Variants in TANC1 observed in about 807,000 individuals in gnomAD.
TANC1 encodes the protein protein TANC1.
A neutral mutation model predicts 149.7 loss-of-function variants in TANC1; 77 were observed. The ratio of observed to expected loss-of-function variants is 0.51; its 90% CI spans 0.43 to 0.62. TANC1 has a LOEUF of 0.62. Among genes scored for constraint, TANC1 ranks in the 20% least tolerant of loss-of-function variants. The pLI is 0.00. For synonymous variants in TANC1, 854 were observed against 925.0 expected, an observed-to-expected ratio of 0.92 and a Z score of 1.39; for missense variants, 1,985 against 2,321.8, an observed-to-expected ratio of 0.85 and a Z score of 2.98.
intron 2 of TANC1, among the ~76,000 whole-genome samples, chr2:159,015,067 GC>G (rs923959005): frequency 1.3e-5 from 2 of 152,234 alleles, no homozygotes; most frequent in Non-Finnish European, 2.9e-5. Flanking sequence ...TTGTGTGGGG[GC>G]TCTGACCCCA....
At chr2:159,032,061 G>A (rs1422782680) in intron 2 of TANC1, among the ~76,000 whole-genome samples, 1 of 152,206 alleles carries the variant, frequency 6.6e-6, no homozygotes, top group Non-Finnish European at 1.5e-5. Flanking sequence ...GGTATCTGGG[G>A]CAGATTGAAC....
intron 7 of TANC1, among the ~76,000 whole-genome samples, chr2:159,161,290 A>T (rs372851150): frequency 1.3e-5 from 2 of 152,242 alleles, no homozygotes; most frequent in African/African-American, 4.8e-5. Flanking sequence ...CGTGCTTTCC[A>T]ATGTAACAGC....
chr2:159,074,878 T>G (rs755148152), intron 3 of TANC1, among the ~76,000 whole-genome samples: 1 of 152,082 alleles, frequency 6.6e-6, no homozygotes, highest in Non-Finnish European at 1.5e-5. Context: ...TCTCACATGG[T>G]AGAGACAGGG....
intron 1 of TANC1, among the ~76,000 whole-genome samples, chr2:158,972,172 A>G (rs2032979553): frequency 1.3e-5 from 2 of 152,220 alleles, no homozygotes; most frequent in Admixed American, 6.5e-5. Context: ...AGTAGGCTTC[A>G]GGGTGTAATG....
chr2:159,198,076 CCA>C (rs2057994400), intron 18 of TANC1, among the ~76,000 whole-genome samples: 1 of 152,180 alleles, frequency 6.6e-6, no homozygotes, highest in South Asian at 2.1e-4. Flanking sequence ...TCCTCCATCT[CCA>C]AAGTGCCTTA....
At chr2:159,182,882 C>T (rs1326652965) in intron 14 of TANC1, among the ~76,000 whole-genome samples, 1 of 152,210 alleles carries the variant, frequency 6.6e-6, no homozygotes, top group Non-Finnish European at 1.5e-5. Flanking sequence ...TAGCTCTGTT[C>T]TCTGTTAACT....
chr2:159,208,672 C>G (rs1338197872), intron 19 of TANC1, among the ~76,000 whole-genome samples: 3 of 152,250 alleles, frequency 2.0e-5, no homozygotes, highest in African/African-American at 7.2e-5. Context: ...TGGCTCCAGC[C>G]AGGCTGCTTC....
chr2:159,168,274 G>A (rs565456361), intron 8 of TANC1, among the ~76,000 whole-genome samples: 7 of 150,396 alleles, frequency 4.7e-5, no homozygotes, highest in South Asian at 4.2e-4. Flanking sequence ...AATCTAACTC[G>A]TATGAATGTT....
At chr2:159,025,636 C>G (rs1254670413) in intron 2 of TANC1, among the ~76,000 whole-genome samples, 3 of 152,158 alleles carry the variant, frequency 2.0e-5, no homozygotes, top group African/African-American at 7.2e-5. Flanking sequence ...CTAAGGGATT[C>G]CTTTTTTTTA....
At chr2:158,969,489 G>C (rs1026736939) in intron 1 of TANC1, among the ~76,000 whole-genome samples, 3 of 152,254 alleles carry the variant, frequency 2.0e-5, no homozygotes, top group Middle Eastern at 6.3e-3. Flanking sequence ...TAATTGTCAA[G>C]ATTGTGAGCC....
chr2:159,008,525 C>T (rs527364703), intron 2 of TANC1, among the ~76,000 whole-genome samples: 3 of 152,272 alleles, frequency 2.0e-5, no homozygotes, highest in Non-Finnish European at 4.4e-5. Flanking sequence ...ACGTTCACTT[C>T]GTGTTGGCTT....
At chr2:159,206,068 C>G (rs1037526472) in intron 19 of TANC1, among the ~76,000 whole-genome samples, 1 of 152,198 alleles carries the variant, frequency 6.6e-6, no homozygotes, top group African/African-American at 2.4e-5. Context: ...GCATGGAAGT[C>G]CAGACTGCTG....
chr2:159,074,030 T>C (rs1037423753), intron 3 of TANC1, among the ~76,000 whole-genome samples: 10 of 152,202 alleles, frequency 6.6e-5, no homozygotes, highest in African/African-American at 2.4e-4. Context: ...TGGGTAGCCC[T>C]AGCTCTGGAT....
chr2:159,056,218 G>T, intron 2 of TANC1: 1 of 233,368 alleles, frequency 4.3e-6, no homozygotes, highest in South Asian at 7.1e-5. Context: ...TGCAAACCAT[G>T]AGAATTTCTC....
chr2:159,212,165 G>T (rs887270596), intron 19 of TANC1, among the ~76,000 whole-genome samples: 3 of 152,230 alleles, frequency 2.0e-5, no homozygotes, highest in Non-Finnish European at 4.4e-5. Context: ...TGCTGTGGTG[G>T]ATTGGCTGCT....
chr2:159,070,194 A>G (rs1356348173), intron 3 of TANC1, among the ~76,000 whole-genome samples: 3 of 152,188 alleles, frequency 2.0e-5, no homozygotes, highest in Non-Finnish European at 4.4e-5. Flanking sequence ...ATTTTAAACC[A>G]TCTAGCTCCT....
intron 1 of TANC1, among the ~76,000 whole-genome samples, chr2:158,978,675 C>T (rs746614092): frequency 5.3e-5 from 8 of 152,164 alleles, no homozygotes; most frequent in Non-Finnish European, 8.8e-5. Flanking sequence ...GCCTGAGCAT[C>T]CCCACTGGGA....
chr2:159,150,613 C>T (rs2052685050), intron 7 of TANC1, 57 bp downstream of exon 7: 15 of 1,365,448 alleles, frequency 1.1e-5, no homozygotes, highest in Non-Finnish European at 1.6e-5. Context: ...CCAGAGCATT[C>T]ACCAGGCACT....
chr2:159,196,531 C>T, intron 17 of TANC1, 77 bp from the exon 18 acceptor site: 1 of 1,321,184 alleles, frequency 7.6e-7, no homozygotes, highest in South Asian at 1.5e-5. Context: ...GGGGTTTGCA[C>T]ACAGCTAGGT....
Sources: allele counts gnomAD v4.1 joint callset (sites outside exome capture counted in the v4.1 genomes callset), GRCh38; gene constraint gnomAD v4.1.1; transcripts MANE v1.5; gene names NCBI Gene and HGNC (gene_info 2026-07-23, HGNC 2026-07-21).